Variants in CELA1 observed in about 807,000 individuals in gnomAD.
The protein encoded by CELA1 is chymotrypsin-like elastase family member 1.
Under a neutral mutation model 34.8 loss-of-function variants are expected in CELA1, and 28 were observed. The ratio of observed to expected loss-of-function variants is 0.80; its 90% confidence interval spans 0.60 to 1.10. The LOEUF is 1.10. CELA1 is among the 50% of genes least tolerant of loss of function. CELA1 has a pLI of 0.00. For missense variants in CELA1, 288 were observed against 327.5 expected, an observed-to-expected ratio of 0.88 and a Z score of 0.93; for synonymous variants, 140 against 129.8, an observed-to-expected ratio of 1.08 and a Z score of -0.53.
At chr12:51,336,584 G>A (rs1209082056) in intron 6 of CELA1, among the ~76,000 whole-genome samples, 4 of 152,266 alleles carry the variant, frequency 2.6e-5, no homozygotes, top group Admixed American at 6.5e-5. Context: ...CTGAGATCGC[G>A]CTACTGCACT....
intron 6 of CELA1, among the ~76,000 whole-genome samples, chr12:51,335,566 T>G (rs73309752): frequency 6.6e-6 from 1 of 151,666 alleles, no homozygotes; most frequent in Non-Finnish European, 1.5e-5. Context: ...TTTTCTTCTC[T>G]TAGAAGATCC....
chr12:51,336,688 A>T (rs1946501327), intron 6 of CELA1, among the ~76,000 whole-genome samples: 1 of 152,174 alleles, frequency 6.6e-6, no homozygotes, highest in African/African-American at 2.4e-5. Flanking sequence ...TCCCACTGGG[A>T]TCTCAGACAA....
intron 3 of CELA1, among the ~76,000 whole-genome samples, chr12:51,342,979 T>C (rs754265997): frequency 1.3e-5 from 2 of 152,054 alleles, no homozygotes; most frequent in Non-Finnish European, 2.9e-5. Flanking sequence ...ACCCATCTTA[T>C]CTGGTCTAGG....
intron 6 of CELA1, among the ~76,000 whole-genome samples, chr12:51,334,582 C>T (rs916709465): frequency 4.6e-5 from 7 of 152,214 alleles, no homozygotes; most frequent in South Asian, 2.1e-4. Flanking sequence ...TACAGGCACC[C>T]GCCACCACAC....
At chr12:51,340,477 C>T (rs2137481493) in intron 5 of CELA1, among the ~76,000 whole-genome samples, 1 of 151,596 alleles carries the variant, frequency 6.6e-6, no homozygotes, top group Non-Finnish European at 1.5e-5. Context: ...ACAACCTCCG[C>T]CTCCCAGGTT....
chr12:51,344,931 C>T (rs1163225500), intron 2 of CELA1, among the ~76,000 whole-genome samples: 2 of 151,914 alleles, frequency 1.3e-5, no homozygotes, highest in Non-Finnish European at 2.9e-5. Flanking sequence ...TTGAGACCAG[C>T]CTGGCCAACA....
intron 4 of CELA1, 65 bp downstream of exon 4, chr12:51,342,510 G>A (rs1257436312): frequency 5.0e-6 from 8 of 1,608,024 alleles, no homozygotes; most frequent in Non-Finnish European, 6.8e-6. Flanking sequence ...ACAGGTGAAG[G>A]CAGCCAGTTG....
chr12:51,346,564 G>T (rs1037337890), intron 1 of CELA1, 59 bp downstream of exon 1: 1 of 1,507,158 alleles, frequency 6.6e-7, no homozygotes, highest in Non-Finnish European at 9.1e-7. Context: ...ATAGACCTCA[G>T]GCCACATGAT....
At chr12:51,334,240 A>G (rs1195701157) in intron 6 of CELA1, among the ~76,000 whole-genome samples, 1 of 152,192 alleles carries the variant, frequency 6.6e-6, no homozygotes, top group Non-Finnish European at 1.5e-5. Flanking sequence ...AGGAGGTTAT[A>G]GGTGAAGCTG....
intron 6 of CELA1, among the ~76,000 whole-genome samples, chr12:51,331,372 G>A (rs1946469014): frequency 6.6e-6 from 1 of 152,222 alleles, no homozygotes. Flanking sequence ...CTGGGCGACA[G>A]AGCGAGACTC....
At chr12:51,336,789 C>T (rs1469422691) in intron 6 of CELA1, among the ~76,000 whole-genome samples, 1 of 152,176 alleles carries the variant, frequency 6.6e-6, no homozygotes, top group Non-Finnish European at 1.5e-5. Flanking sequence ...ATCACTTAAA[C>T]CAGATGCTTG....
chr12:51,328,453 T>C lies in CELA1; in HGVS notation c.*124A>G. On this transcript the variant is annotated 3_prime_UTR_variant, in exon 8 of 8. Coordinates refer to ENST00000293636, the MANE Select transcript of CELA1 (RefSeq NM_001971.6). ...TAGACACAGTATGATAATGTATATC[T>C]AGTTTTATTTGCTTTTCTATCAATG... is the stretch of plus-strand genomic sequence containing the variant. The C allele has an allele frequency of 1.0e-6, 1 of 959,098 alleles. No individual in the cohort carries two copies. The highest frequency in any genetic ancestry group is 1.7e-6 in the Non-Finnish European group (1 of 601,116). The allele number at this position is 959,098 out of a possible 1,614,324, so 59.4% of individuals were successfully genotyped here. A position where few individuals can be genotyped will look rare whatever the true frequency, so the allele number is the denominator to read the frequency against.
intron 4 of CELA1, among the ~76,000 whole-genome samples, chr12:51,342,161 C>T (rs1001221509): frequency 4.6e-5 from 7 of 151,692 alleles, no homozygotes; most frequent in African/African-American, 7.3e-5. Flanking sequence ...TGTAATCAAG[C>T]GATTACAGGC....
Position 51,341,338 on chromosome 12 carries a change from G to A in CELA1, c.369C>T (p.Leu123=). Residue 123 remains leucine, a synonymous_variant, in exon 5 of 8, where the codon CTC becomes CTT. Transcript: ENST00000293636. ...ALLRLAQSVT[L]NSYVQLGVLP... ...GAACACCCAGCTGGACATAGCTATT[G>A]AGGGTAACGCTCTGGGCCAGGCGCA... is the stretch of plus-strand genomic sequence containing the variant. 1 of 1,614,216 alleles carries A rather than the reference G, an allele frequency of 6.2e-7. No individual in the cohort carries two copies. The highest frequency in any genetic ancestry group is 2.2e-5 in the East Asian group (1 of 44,888).
chr12:51,329,744 A>G lies in CELA1; in HGVS notation c.699T>C (p.Asn233=). ...TGAAGACTGTAGGCTTCCTGGAGACATTACAGCCCCGGCTGGACACAAAGC... is the reference window on the plus strand; with the variant it reads ...TGAAGACTGTAGGCTTCCTGGAGACGTTACAGCCCCGGCTGGACACAAAGC... ...VTSFVSSRGC[N]VSRKPTVFTQ... is the part of the protein sequence containing the mutation. The change falls in exon 7 of 8, where the codon AAT becomes AAC. Residue 233 remains asparagine (N), a synonymous_variant. Transcript: ENST00000293636. 6.2e-7 allele frequency: 1 copy of G among 1,614,082 alleles called. No homozygotes were observed. The highest frequency in any genetic ancestry group is 8.5e-7 in the Non-Finnish European group (1 of 1,179,990).
In CELA1 at chr12:51,341,151, A is replaced by G; in HGVS notation, c.463+93T>C. ...TTCTTTTAGCTCCTGGTCTCTGGCC[A>G]TAAGCACCTAGGACCACAGAAAAAG... On this transcript the variant is annotated intron_variant, in intron 5 of 7. Coordinates refer to ENST00000293636, the MANE Select transcript of CELA1 (RefSeq NM_001971.6). The G allele has an allele frequency of 2.9e-6, 4 of 1,365,128 alleles. No homozygotes were observed. The East Asian group carries it at 6.9e-5, about 24-fold the overall frequency. 84.6% of individuals were successfully genotyped at this position (1,365,128 alleles called of 1,614,324 possible). A position where few individuals can be genotyped will look rare whatever the true frequency, so the allele number is the denominator to read the frequency against.
chr12:51,346,542 G>A (rs1339341515), intron 1 of CELA1, 81 bp downstream of exon 1: 17 of 1,366,896 alleles, frequency 1.2e-5, no homozygotes, highest in Non-Finnish European at 1.7e-5. Flanking sequence ...TCCTGCCCAA[G>A]TCCCCCTCCC....
At chr12:51,338,539 T>C (rs1229679589) in intron 6 of CELA1, among the ~76,000 whole-genome samples, 1 of 152,116 alleles carries the variant, frequency 6.6e-6, no homozygotes, top group Non-Finnish European at 1.5e-5. Context: ...GGCCTATTCC[T>C]ATTTGCCCCT....
chr12:51,343,239 G>A (rs1308507801), intron 3 of CELA1, among the ~76,000 whole-genome samples: 2 of 152,082 alleles, frequency 1.3e-5, no homozygotes, highest in African/African-American at 2.4e-5. Context: ...TTCCTGGGCC[G>A]CAGCATGAGC....
Sources: allele counts gnomAD v4.1 joint callset (sites outside exome capture counted in the v4.1 genomes callset), GRCh38; gene constraint gnomAD v4.1.1; transcripts MANE v1.5; gene names NCBI Gene and HGNC (gene_info 2026-07-23, HGNC 2026-07-21).